Variants in CX3CR1 observed in about 807,000 individuals in gnomAD.
CX3CR1 encodes the protein C-X3-C motif chemokine receptor 1.
For synonymous variants in CX3CR1, 168 were observed against 178.5 expected (o/e 0.94, Z 0.47); for missense variants, 363 against 432.4 (o/e 0.84, Z 1.42).
upstream of CX3CR1, among the ~76,000 whole-genome samples, chr3:39,284,808 A>C (rs1462059730): frequency 1.3e-5 from 2 of 152,214 alleles, no homozygotes; most frequent in Non-Finnish European, 2.9e-5. Context: ...CTTCCTGCCC[A>C]GATGCAGGCA....
In CX3CR1 at chr3:39,265,629, G is replaced by T. The variant is rs199518542; in HGVS notation, c.881C>A (p.Ala294Glu). ...SHCCLNPLIY[A>E]FAGEKFRRYL... is the part of the protein sequence containing the mutation. Reference sequence around the variant, plus strand: ...TCTTCTGAACTTCTCCCCAGCAAATGCATAGATGAGAGGATTCAGGCAACA... The same window carrying T: ...TCTTCTGAACTTCTCCCCAGCAAATTCATAGATGAGAGGATTCAGGCAACA... Residue 294 changes from alanine to glutamate, a missense_variant, in exon 2 of 2, where the codon GCA (alanine) becomes GAA (glutamate). Coordinates refer to ENST00000399220, the MANE Select transcript of CX3CR1 (RefSeq NM_001337.4). The T allele has an allele frequency of 3.7e-6, 6 of 1,614,062 alleles. No individual in the cohort carries two copies. The highest frequency in any genetic ancestry group is 2.7e-5 in the African/African-American group (2 of 74,914).
intron 1 of CX3CR1, among the ~76,000 whole-genome samples, chr3:39,270,956 G>T (rs546393008): frequency 2.0e-5 from 3 of 152,208 alleles, no homozygotes; most frequent in African/African-American, 7.2e-5. Context: ...TGGGCAAATA[G>T]ATGAATTCAG....
the CX3CR1 span, among the ~76,000 whole-genome samples, chr3:39,289,456 G>T: frequency 6.6e-6 from 1 of 152,086 alleles, no homozygotes. Flanking sequence ...TTGCTGAAGC[G>T]CAGCTGTCCC....
chr3:39,266,738 CTTGCCCA>C (rs1377412416), intron 1 of CX3CR1: 2 of 745,264 alleles, frequency 2.7e-6, no homozygotes, highest in Non-Finnish European at 4.9e-6. Context: ...ACTCCTTTGA[CTTGCCCA>C]AAGCCATGCA....
At chr3:39,278,587 T>C (rs914948966) in intron 1 of CX3CR1, among the ~76,000 whole-genome samples, 1 of 147,550 alleles carries the variant, frequency 6.8e-6, no homozygotes, top group Non-Finnish European at 1.5e-5. Flanking sequence ...CCTTTTTTTT[T>C]GGCTCAATTT....
upstream of CX3CR1, among the ~76,000 whole-genome samples, chr3:39,283,772 T>G (rs2040924006): frequency 3.0e-5 from 3 of 99,214 alleles, no homozygotes; most frequent in Admixed American, 1.3e-4. Context: ...AGAGCGAGAC[T>G]CCATCTCAAA....
chr3:39,266,063 G>A lies in CX3CR1; in HGVS notation c.447C>T (p.Ile149=), dbSNP rs774635994. ...NNRTVQHGVT[I]SLGVWAAAIL... is the part of the protein sequence containing the mutation. ...TGGCTGCTGCCCAGACGCCTAGGCT[G>A]ATGGTGACGCCATGCTGCACGGTCC... The change falls in exon 2 of 2, where the codon ATC becomes ATT. Residue 149 remains isoleucine (I), a synonymous_variant. Coordinates refer to ENST00000399220, the MANE Select transcript of CX3CR1 (RefSeq NM_001337.4). 2 of 1,614,232 alleles carry A rather than the reference G, an allele frequency of 1.2e-6. No individual in the cohort carries two copies. The highest frequency in any genetic ancestry group is 8.5e-7 in the Non-Finnish European group (1 of 1,180,044).
chr3:39,278,259 C>G (rs564901424), intron 1 of CX3CR1, among the ~76,000 whole-genome samples: 1 of 152,300 alleles, frequency 6.6e-6, no homozygotes, highest in East Asian at 1.9e-4. Flanking sequence ...TAAGCCTGAG[C>G]ACTAAGAAGA....
At chr3:39,291,036 A>T in the CX3CR1 span, among the ~76,000 whole-genome samples, 1 of 152,046 alleles carries the variant, frequency 6.6e-6, no homozygotes, top group Non-Finnish European at 1.5e-5. Context: ...TGAACACCAG[A>T]TGAATAAATA....
At chr3:39,281,637 A>G, upstream of CX3CR1, 5 of 1,599,154 alleles carry the variant, frequency 3.1e-6, no homozygotes, top group Non-Finnish European at 3.4e-6. Context: ...CCCAGAAGCC[A>G]GAGAGCTCTT....
At chr3:39,281,620 T>A, upstream of CX3CR1, 2 of 1,594,440 alleles carry the variant, frequency 1.3e-6, no homozygotes, top group Non-Finnish European at 1.7e-6. Flanking sequence ...CCACTGGCCA[T>A]TCTCCACCCA....
the CX3CR1 span, among the ~76,000 whole-genome samples, chr3:39,291,285 G>A: frequency 1.3e-5 from 2 of 152,074 alleles, no homozygotes; most frequent in Admixed American, 1.3e-4. Flanking sequence ...TGGAACTCCT[G>A]ACCTCAAGTG....
rs777824021 is a variant in CX3CR1, at chr3:39,266,214, T to C, written c.296A>G (p.Asn99Ser). 1.5e-5 allele frequency: 24 copies of C among 1,614,068 alleles called. 1 individual carries two copies. The East Asian group carries it at 4.9e-4, about 33-fold the overall frequency. ...HYLINEKGLH[N>S]AMCKFTTAFF... ...GGCGGTAGTGAATTTGCACATGGCA[T>C]TGTGGAGGCCCTTTTCATTTATCAA... is the stretch of plus-strand genomic sequence containing the variant. Residue 99 changes from asparagine to serine, a missense_variant, in exon 2 of 2, where the codon AAT (asparagine) becomes AGT (serine). Physicochemically the swap from Asn to Ser is conservative, Grantham distance 46. Transcript: ENST00000399220.
At chr3:39,292,176 T>G in the CX3CR1 span, among the ~76,000 whole-genome samples, 1 of 152,234 alleles carries the variant, frequency 6.6e-6, no homozygotes, top group Non-Finnish European at 1.5e-5. Flanking sequence ...GGTCAGGGAC[T>G]CATTTGACCC....
chr3:39,279,026 T>C (rs910278969), intron 1 of CX3CR1, among the ~76,000 whole-genome samples: 2 of 152,108 alleles, frequency 1.3e-5, no homozygotes, highest in African/African-American at 2.4e-5. Flanking sequence ...CGGGCGGTGG[T>C]ACATGCCTAT....
chr3:39,277,123 C>T (rs544823383), intron 1 of CX3CR1, among the ~76,000 whole-genome samples: 1 of 152,296 alleles, frequency 6.6e-6, no homozygotes, highest in Non-Finnish European at 1.5e-5. Context: ...CAAAGGTGGT[C>T]TAGGAAGATG....
chr3:39,278,149 G>A (rs1255516485), intron 1 of CX3CR1, among the ~76,000 whole-genome samples: 1 of 152,184 alleles, frequency 6.6e-6, no homozygotes, highest in Non-Finnish European at 1.5e-5. Context: ...GTGAAGTGGG[G>A]CCAGCTGAGG....
At chr3:39,289,783 G>C in the CX3CR1 span, among the ~76,000 whole-genome samples, 8 of 152,216 alleles carry the variant, frequency 5.3e-5, no homozygotes, top group South Asian at 2.1e-4. Flanking sequence ...CAACAGGACT[G>C]GTGTCCTTAT....
chr3:39,289,260 A>G, the CX3CR1 span, among the ~76,000 whole-genome samples: 2 of 152,178 alleles, frequency 1.3e-5, no homozygotes, highest in Admixed American at 6.5e-5. Flanking sequence ...AATGAGGGTA[A>G]TAGAAATCTG....
Sources: gnomAD v4.1 joint callset for allele counts (sites outside exome capture counted in the v4.1 genomes callset) on GRCh38, gnomAD v4.1.1 for gene constraint, MANE v1.5 for transcripts, NCBI Gene and HGNC (gene_info 2026-07-23, HGNC 2026-07-21) for gene names.